Variants in MYLK observed in about 807,000 individuals in gnomAD.
MYLK encodes the protein myosin light chain kinase, smooth muscle.
Under a neutral mutation model 203.4 loss-of-function variants are expected in MYLK, and 106 were observed. The observed-to-expected ratio is 0.52, with a 90% confidence interval of 0.45 to 0.61. MYLK has a LOEUF of 0.61. MYLK is among the 20% of genes least tolerant of loss of function. The pLI, the probability that MYLK is intolerant of heterozygous loss-of-function variation, is 0.00. For synonymous variants in MYLK, 867 were observed against 959.5 expected (o/e 0.90, Z 1.78); for missense variants, 2,072 against 2,442.3 (o/e 0.85, Z 3.20).
At chr3:123,771,215 T>C (rs1360372533) in intron 4 of MYLK, among the ~76,000 whole-genome samples, 1 of 151,786 alleles carries the variant, frequency 6.6e-6, no homozygotes, top group East Asian at 1.9e-4. Context: ...TCTTCAACTG[T>C]TTCAGTTTCT....
chr3:123,849,005 T>C (rs542823213), intron 2 of MYLK, among the ~76,000 whole-genome samples: 1 of 152,334 alleles, frequency 6.6e-6, no homozygotes, highest in South Asian at 2.1e-4. Context: ...AGATGGGGTC[T>C]CGCTCTGTTG....
chr3:123,706,814 C>T (rs1372529395), intron 16 of MYLK, among the ~76,000 whole-genome samples: 1 of 149,152 alleles, frequency 6.7e-6, no homozygotes, highest in East Asian at 1.9e-4. Flanking sequence ...CAGTGTGCCT[C>T]ATGGAGCTGA....
chr3:123,704,745 T>C (rs1245795677), intron 16 of MYLK, among the ~76,000 whole-genome samples: 2 of 15,060 alleles, frequency 1.3e-4, no homozygotes, highest in African/African-American at 1.9e-4. Context: ...CTACTAAAAA[T>C]ACAAAAAAAA....
At chr3:123,621,918 C>T (rs1188612056) in intron 31 of MYLK, 1 of 152,318 alleles carries the variant, frequency 6.6e-6, no homozygotes, top group Non-Finnish European at 1.5e-5. Context: ...TAACTGTGCG[C>T]AGAACCACCG....
intron 31 of MYLK, chr3:123,620,963 T>C (rs905432033): frequency 1.3e-5 from 2 of 153,186 alleles, no homozygotes; most frequent in African/African-American, 4.8e-5. Flanking sequence ...TGAGAAACAC[T>C]CTGGCTGGCC....
At chr3:123,830,810 G>T (rs1443050575) in intron 3 of MYLK, among the ~76,000 whole-genome samples, 1 of 152,178 alleles carries the variant, frequency 6.6e-6, no homozygotes, top group African/African-American at 2.4e-5. Context: ...TGCTAAAGCT[G>T]CAGAAAGCAA....
chr3:123,621,814 C>T (rs1662384860), intron 31 of MYLK: 1 of 152,366 alleles, frequency 6.6e-6, no homozygotes, highest in Non-Finnish European at 1.5e-5. Flanking sequence ...GCCTCTGCCA[C>T]CACAGTGAGG....
At chr3:123,871,984 T>C (rs1451718938) in intron 2 of MYLK, among the ~76,000 whole-genome samples, 1 of 151,520 alleles carries the variant, frequency 6.6e-6, no homozygotes, top group East Asian at 1.9e-4. Context: ...GGTTAAACAT[T>C]TGAAAATCAA....
intron 4 of MYLK, among the ~76,000 whole-genome samples, chr3:123,781,432 A>G (rs1175981067): frequency 6.6e-6 from 1 of 152,206 alleles, no homozygotes; most frequent in East Asian, 1.9e-4. Flanking sequence ...TCTTAGAGGC[A>G]CTGGCCCTCC....
intron 3 of MYLK, among the ~76,000 whole-genome samples, chr3:123,795,711 G>T (rs772321448): frequency 6.6e-6 from 1 of 152,198 alleles, no homozygotes; most frequent in East Asian, 1.9e-4. Flanking sequence ...CCAGGCTGAC[G>T]ATCATTTCTT....
chr3:123,836,576 T>TAAGGA (rs2066479396), intron 2 of MYLK, among the ~76,000 whole-genome samples: 3 of 152,210 alleles, frequency 2.0e-5, no homozygotes, highest in Admixed American at 1.3e-4. Flanking sequence ...TTCCTGCAGC[T>TAAGGA]AAGGAGCACC....
chr3:123,737,675 T>C, intron 7 of MYLK, 132 bp from the exon 8 acceptor site: 1 of 1,206,724 alleles, frequency 8.3e-7, no homozygotes, highest in East Asian at 2.4e-5. Context: ...GTGGGCCCTG[T>C]CAATGTGCTC....
At chr3:123,671,803 G>A (rs1006780570) in intron 20 of MYLK, among the ~76,000 whole-genome samples, 2 of 152,104 alleles carry the variant, frequency 1.3e-5, no homozygotes, top group Non-Finnish European at 2.9e-5. Context: ...GGAAGAGCAC[G>A]GGGAGCCAAA....
chr3:123,871,691 C>A (rs1257038664), intron 2 of MYLK, among the ~76,000 whole-genome samples: 6 of 151,678 alleles, frequency 4.0e-5, no homozygotes, highest in African/African-American at 1.5e-4. Flanking sequence ...TGCCGCAAAA[C>A]AACTTCAGGC....
At chr3:123,690,922 G>T (rs1232401781) in intron 19 of MYLK, among the ~76,000 whole-genome samples, 1 of 151,944 alleles carries the variant, frequency 6.6e-6, no homozygotes, top group Non-Finnish European at 1.5e-5. Flanking sequence ...GCAGACTCTG[G>T]GCAAACAAAG....
Position 123,793,664 on chromosome 3 carries a change from C to G in MYLK, c.165+13G>C, listed in dbSNP as rs1396294945. ...CCTTCCCCACAGCCTCCCCATCCAG[C>G]CACACTTCTTACCCGCCCTTCGAAC... On this transcript the variant is annotated intron_variant, in intron 4 of 33. Transcript: ENST00000360304. 1 of 1,614,006 alleles carries G rather than the reference C, an allele frequency of 6.2e-7. No individual in the cohort carries two copies. The highest frequency in any genetic ancestry group is 8.5e-7 in the Non-Finnish European group (1 of 1,179,916).
chr3:123,857,273 T>C (rs1462586384), intron 2 of MYLK, among the ~76,000 whole-genome samples: 1 of 152,104 alleles, frequency 6.6e-6, no homozygotes, highest in Admixed American at 6.5e-5. Flanking sequence ...GAAATACCAT[T>C]TGACCCAGTC....
rs775517621 is a variant in MYLK, at chr3:123,640,333, C to T, written c.4791G>A (p.Thr1597=). The change falls in exon 28 of 34, where the codon ACG becomes ACA. Residue 1597 remains threonine (T), a synonymous_variant. Transcript: ENST00000360304. The surrounding 1 kb of genome is among the most constrained non-coding windows in gnomAD (Gnocchi z 4.3). ...KPENIMCVNK[T]GTRIKLIDFG... ...AGTCGATGAGCTTGATCCTGGTGCC[C>T]GTCTTGTTGACACACATGATGTTCT... is the stretch of plus-strand genomic sequence containing the variant. The T allele has an allele frequency of 1.4e-5, 23 of 1,613,842 alleles. No homozygotes were observed. The Admixed American group carries it at 2.2e-4, about 15-fold the overall frequency.
Position 123,722,249 on chromosome 3 carries a change from G to C in MYLK, c.1683C>G (p.Cys561Trp). 6.4e-7 allele frequency: 1 copy of C among 1,568,416 alleles called. No individual in the cohort carries two copies. Among genetic ancestry groups the C allele is most frequent in the Non-Finnish European group, 8.7e-7 (1 of 1,155,990 alleles). Reference sequence around the variant, plus strand: ...TGTGGAGCTCAGCCACGCCGGCCTCGCAGGTGGAGCGAGCGTACTGGATGG... The same window carrying C: ...TGTGGAGCTCAGCCACGCCGGCCTCCCAGGTGGAGCGAGCGTACTGGATGG... ...GQPIQYARSTCEAGVAELHIQ... is the reference protein window; with the variant it reads ...GQPIQYARSTWEAGVAELHIQ... The change falls in exon 13 of 34, where the codon TGC (cysteine) becomes TGG (tryptophan). Residue 561 changes from cysteine to tryptophan, a missense_variant. Transcript: ENST00000360304.
Sources: allele counts gnomAD v4.1 joint callset (sites outside exome capture counted in the v4.1 genomes callset), GRCh38; gene constraint gnomAD v4.1.1; non-coding constraint Gnocchi (gnomAD v3.1); transcripts MANE v1.5; gene names NCBI Gene and HGNC (gene_info 2026-07-23, HGNC 2026-07-21).